Variants in KCNMA1 observed in about 807,000 individuals in gnomAD.
KCNMA1 encodes potassium calcium-activated channel subfamily M alpha 1, also known as Calcium-activated potassium channel subunit alpha-1.
A neutral mutation model predicts 140.0 loss-of-function variants in KCNMA1; 29 were observed. The ratio of observed to expected loss-of-function variants is 0.21; its 90% confidence interval spans 0.15 to 0.28. The LOEUF is 0.28. Ranked by LOEUF, KCNMA1 falls within the 10% of genes least tolerant of loss-of-function variation. The probability of loss-of-function intolerance (pLI) is 1.00; values close to 1 mark genes in which losing one functional copy is unlikely to be tolerated. For synonymous variants in KCNMA1, 612 were observed against 611.9 expected (o/e 1.00, Z 0.00); for missense variants, 880 against 1,602.2 (o/e 0.55, Z 7.70).
rs11297506 is a variant in KCNMA1, at chr10:77,340,873, C to CA, written c.540+62988dup. Among the ~76,000 whole-genome samples, 598 of 135,552 alleles carry CA rather than the reference C, an allele frequency of 4.4e-3. 1 individual carries two copies. The highest frequency in any genetic ancestry group is 7.0e-3 in the African/African-American group (255 of 36,444). The allele number at this position is 135,552 out of a possible 152,430, so 88.9% of individuals were successfully genotyped here. ...ACTTAAAGTATAATTTAAAAAATGC[C>CA]AAAAAAAAAAAAAAGAGTGACAGGC... On this transcript the variant is annotated intron_variant, in intron 2 of 27. Transcript: ENST00000286628.
chr10:76,925,133 T>A (rs947406533), intron 23 of KCNMA1, among the ~76,000 whole-genome samples: 1 of 152,250 alleles, frequency 6.6e-6, no homozygotes, highest in Non-Finnish European at 1.5e-5. Flanking sequence ...TTTTAAAATG[T>A]ATGAATTATT....
intron 3 of KCNMA1, among the ~76,000 whole-genome samples, chr10:77,186,777 A>ATGTGTGTGTGTGTG (rs10594438): frequency 3.4e-5 from 5 of 145,212 alleles, no homozygotes; most frequent in African/African-American, 5.1e-5. Flanking sequence ...TAAAGAGTAA[A>ATGTGTGTGTGTGTG]TGTGTGTGTG....
At chr10:77,270,481 CCTTTCTTTCCTTT>C (rs1450757348) in intron 2 of KCNMA1, among the ~76,000 whole-genome samples, 1 of 116,832 alleles carries the variant, frequency 8.6e-6, no homozygotes, top group African/African-American at 4.7e-5. Context: ...CTCTTTCTTT[CCTTTCTTTCCTTT>C]CTTTCTTTTC....
chr10:77,296,014 A>G (rs2075017260), intron 2 of KCNMA1, among the ~76,000 whole-genome samples: 1 of 152,136 alleles, frequency 6.6e-6, no homozygotes, highest in African/African-American at 2.4e-5. Context: ...GAAATCACTG[A>G]CTGGAAGTTG....
chr10:77,080,262 T>C (rs2096531215), intron 12 of KCNMA1, among the ~76,000 whole-genome samples: 1 of 152,170 alleles, frequency 6.6e-6, no homozygotes, highest in African/African-American at 2.4e-5. Context: ...CAATTAAAAG[T>C]AGGTATAAAT....
At chr10:77,139,876 G>A (rs2154020015) in intron 5 of KCNMA1, among the ~76,000 whole-genome samples, 1 of 152,026 alleles carries the variant, frequency 6.6e-6, no homozygotes, top group African/African-American at 2.4e-5. Context: ...CAGAAAATGA[G>A]CCACAACTCG....
chr10:77,482,526 G>A (rs1446372564), intron 1 of KCNMA1, among the ~76,000 whole-genome samples: 4 of 152,086 alleles, frequency 2.6e-5, no homozygotes, highest in Non-Finnish European at 4.4e-5. Flanking sequence ...TGCATGAGAC[G>A]GCATAAGGGC....
intron 14 of KCNMA1, among the ~76,000 whole-genome samples, chr10:77,066,728 C>T (rs1470636840): frequency 6.6e-6 from 1 of 152,164 alleles, no homozygotes; most frequent in South Asian, 2.1e-4. Context: ...TGTCATAATG[C>T]CATCTGTGGT....
intron 2 of KCNMA1, among the ~76,000 whole-genome samples, chr10:77,342,399 C>G (rs1208334735): frequency 1.3e-5 from 2 of 152,154 alleles, no homozygotes; most frequent in Non-Finnish European, 2.9e-5. Context: ...AAGGGAAGGT[C>G]AAGGGAAATT....
At chr10:77,453,412 G>T (rs969640196) in intron 1 of KCNMA1, among the ~76,000 whole-genome samples, 7 of 152,016 alleles carry the variant, frequency 4.6e-5, no homozygotes, top group Non-Finnish European at 8.8e-5. Context: ...ACCATTCAAA[G>T]ATTCTCCAAA....
intron 3 of KCNMA1, among the ~76,000 whole-genome samples, chr10:77,245,514 T>C (rs2058360475): frequency 6.6e-6 from 1 of 152,288 alleles, no homozygotes; most frequent in South Asian, 2.1e-4. Flanking sequence ...AGATACTTTA[T>C]GACATTTCAA....
chr10:77,462,682 C>T (rs1271829934), intron 1 of KCNMA1, among the ~76,000 whole-genome samples: 3 of 152,210 alleles, frequency 2.0e-5, no homozygotes, highest in Non-Finnish European at 4.4e-5. Flanking sequence ...CTGGGCTCTC[C>T]CCCGGGAGAG....
chr10:77,634,927 A>C (rs1415884685), intron 1 of KCNMA1: 1 of 152,238 alleles, frequency 6.6e-6, no homozygotes, highest in Non-Finnish European at 1.5e-5. Context: ...GAGCAAATCT[A>C]GGGGCAGGTA....
Position 77,120,804 on chromosome 10 carries a change from G to A in KCNMA1, c.884+169C>T, listed in dbSNP as rs111252325. Among the ~76,000 whole-genome samples the A allele has an allele frequency of 9.3e-3, 1,411 of 152,220 alleles. 13 individuals carry two copies. The highest frequency in any genetic ancestry group is 0.028 in the South Asian group (135 of 4,814). On this transcript the variant is annotated intron_variant, in intron 6 of 27. Coordinates refer to ENST00000286628, the MANE Select transcript of KCNMA1 (RefSeq NM_001161352.2). ...CATAGTTCCCTGGCCCTGCAGAAGA[G>A]AGCAACTCAAACCCTACTCTGGTTT...
At chr10:77,226,413 C>T (rs762484304) in intron 3 of KCNMA1, among the ~76,000 whole-genome samples, 18 of 151,998 alleles carry the variant, frequency 1.2e-4, no homozygotes, top group Non-Finnish European at 2.2e-4. Context: ...ATTAACGAGA[C>T]GACATTCCTG....
chr10:77,421,524 T>C (rs1328606576), intron 1 of KCNMA1, among the ~76,000 whole-genome samples: 1 of 152,234 alleles, frequency 6.6e-6, no homozygotes, highest in Non-Finnish European at 1.5e-5. Context: ...TTCAGCTCTG[T>C]TGCTGGGGGG....
intron 1 of KCNMA1, among the ~76,000 whole-genome samples, chr10:77,559,399 CCAGG>C (rs2065605953): frequency 6.6e-6 from 1 of 152,166 alleles, no homozygotes; most frequent in African/African-American, 2.4e-5. Flanking sequence ...CTGTCGGTGC[CCAGG>C]CAGCTGTGTA....
At chr10:76,928,796 A>C (rs1390427677) in intron 23 of KCNMA1, among the ~76,000 whole-genome samples, 1 of 152,168 alleles carries the variant, frequency 6.6e-6, no homozygotes, top group Non-Finnish European at 1.5e-5. Flanking sequence ...TCTACATAAG[A>C]GTTGTTGCCG....
chr10:77,578,249 G>C (rs544831904), intron 1 of KCNMA1, among the ~76,000 whole-genome samples: 3 of 152,314 alleles, frequency 2.0e-5, no homozygotes, highest in South Asian at 4.2e-4. Context: ...TAAATCAGAA[G>C]AAGATGAGTG....
Sources: allele counts gnomAD v4.1 joint callset (sites outside exome capture counted in the v4.1 genomes callset), GRCh38; gene constraint gnomAD v4.1.1; transcripts MANE v1.5; gene names NCBI Gene and HGNC (gene_info 2026-07-23, HGNC 2026-07-21).